The following THAP12 variants were observed in gnomAD, a reference collection of about 807,000 sequenced individuals.
THAP12 encodes 52 kDa repressor of the inhibitor of the protein kinase.
THAP12 carries 20 observed loss-of-function variants against 63.0 expected under a neutral mutation model. The ratio of observed to expected loss-of-function variants is 0.32; its 90% CI spans 0.22 to 0.46. The LOEUF is 0.46. Among genes scored for constraint, THAP12 ranks in the 20% least tolerant of loss-of-function variants. The probability of loss-of-function intolerance (pLI) is 1.00; values close to 1 mark genes in which losing one functional copy is unlikely to be tolerated. For missense variants in THAP12, 568 were observed against 908.2 expected (o/e 0.63, Z 4.81); for synonymous variants, 264 against 328.4 (o/e 0.80, Z 2.12).
intron 3 of THAP12, chr11:76,358,633 C>T (rs1451937515): frequency 6.6e-6 from 1 of 151,628 alleles, no homozygotes; most frequent in Non-Finnish European, 1.5e-5. Flanking sequence ...GGCATGACTC[C>T]ATCTATAAAA....
At chr11:76,380,706 C>G in intron 1 of THAP12, 42 bp downstream of exon 1, 1 of 1,332,210 alleles carries the variant, frequency 7.5e-7, no homozygotes, top group Non-Finnish European at 9.7e-7. Flanking sequence ...GCGCTCACCG[C>G]GAAGGTGGGC....
chr11:76,365,343 C>A (rs1451342554), intron 2 of THAP12, among the ~76,000 whole-genome samples: 3 of 150,972 alleles, frequency 2.0e-5, no homozygotes, highest in Non-Finnish European at 2.9e-5. Context: ...AAATGGGGCA[C>A]CAGGAACCGA....
chr11:76,356,359 C>G (rs1397327557), intron 3 of THAP12: 1 of 152,254 alleles, frequency 6.6e-6, no homozygotes, highest in African/African-American at 2.4e-5. Flanking sequence ...CAAGAAACAT[C>G]AGCAGGCTGG....
At position 76,352,775 on chromosome 11, in the gene THAP12, C is replaced by T. The variant is rs1022403655; in HGVS notation, c.375G>A (p.Gln125=). 2.0e-6 allele frequency: 3 copies of T among 1,522,706 alleles called. No individual in the cohort carries two copies. The highest frequency in any genetic ancestry group is 1.4e-5 in the African/African-American group (1 of 71,402). The allele number at this position is 1,522,706 out of a possible 1,614,324, so 94.3% of individuals were successfully genotyped here. Residue 125 remains glutamine, a synonymous_variant, in exon 5 of 5, where the codon CAG becomes CAA. Coordinates refer to ENST00000260045, the MANE Select transcript of THAP12 (RefSeq NM_004705.4). ...KQKKIDETSE[Q]EQKHKETNNS... The stretch of plus-strand genomic sequence containing the variant: ...TGTTGGTTTCTTTATGTTTTTGTTC[C>T]TGCTCAGAAGTTTCATCAACTGGAA...
intron 1 of THAP12, among the ~76,000 whole-genome samples, chr11:76,367,043 AGTCACAACTAG>A (rs1170345429): frequency 1.3e-5 from 2 of 152,050 alleles, no homozygotes; most frequent in Non-Finnish European, 2.9e-5. Context: ...AACTTGCTAA[AGTCACAACTAG>A]ATCTTTCCTC....
Position 76,350,882 on chromosome 11 carries a change from T to A in THAP12, c.2268A>T (p.Glu756Asp). Residue 756 changes from glutamate (E) to aspartate (D), a missense_variant, in exon 5 of 5, where the codon GAA becomes GAT. Physicochemically the swap from Glu to Asp is conservative, Grantham distance 45 (BLOSUM62 2). Coordinates refer to ENST00000260045, the MANE Select transcript of THAP12 (RefSeq NM_004705.4). ...AAGTCTCTTAGGTATTTTCCACAGTTTCGGAATTATCTGTAGGAAGCTCTG... is the reference window on the plus strand; with the variant it reads ...AAGTCTCTTAGGTATTTTCCACAGTATCGGAATTATCTGTAGGAAGCTCTG... ...SKSELPTDNS[E>D]TVENT 1 of 1,536,822 alleles carries A rather than the reference T, an allele frequency of 6.5e-7. No individual in the cohort carries two copies. Among genetic ancestry groups the A allele is most frequent in the Non-Finnish European group, 8.7e-7 (1 of 1,146,438 alleles).
chr11:76,363,755 A>C (rs1487342001), intron 2 of THAP12, among the ~76,000 whole-genome samples: 1 of 151,960 alleles, frequency 6.6e-6, no homozygotes. Context: ...TGCCCAGCAA[A>C]ATTTTTTTTG....
chr11:76,355,748 T>C, intron 3 of THAP12, 94 bp from the exon 4 acceptor site: 8 of 985,296 alleles, frequency 8.1e-6, no homozygotes, highest in Non-Finnish European at 1.2e-5. Context: ...AAATGCCTAT[T>C]CTGAGTCAAT....
chr11:76,365,484 A>C (rs1039945729), intron 2 of THAP12, among the ~76,000 whole-genome samples: 1 of 152,084 alleles, frequency 6.6e-6, no homozygotes, highest in Non-Finnish European at 1.5e-5. Context: ...TCATGGGCTC[A>C]AGTATCCTCC....
At chr11:76,357,548 C>T (rs1486627621) in intron 3 of THAP12, 1 of 151,532 alleles carries the variant, frequency 6.6e-6, no homozygotes, top group Non-Finnish European at 1.5e-5. Flanking sequence ...TTCTAAAAAG[C>T]TTTGAGGGAG....
chr11:76,350,912 A>C lies in THAP12; in HGVS notation c.2238T>G (p.Ser746Arg). 6.4e-7 allele frequency: 1 copy of C among 1,572,570 alleles called. No homozygotes were observed. The highest frequency in any genetic ancestry group is 1.2e-5 in the South Asian group (1 of 84,974). The part of the protein sequence containing the change: ...MVDTYIKLYT[S>R]KSELPTDNSE... ...AATTATCTGTAGGAAGCTCTGACTT[A>C]CTTGTATAGAGTTTAATATATGTGT... Residue 746 changes from serine (S) to arginine (R), a missense_variant, in exon 5 of 5, where the codon AGT becomes AGG. Coordinates refer to ENST00000260045, the MANE Select transcript of THAP12 (RefSeq NM_004705.4).
chr11:76,365,576 G>A (rs1368684385), intron 2 of THAP12, among the ~76,000 whole-genome samples: 1 of 151,994 alleles, frequency 6.6e-6, no homozygotes, highest in Admixed American at 6.6e-5. Context: ...CTGTAGCGAC[G>A]GCATCTGGCC....
chr11:76,364,200 C>T (rs1946616659), intron 2 of THAP12: 1 of 172,756 alleles, frequency 5.8e-6, no homozygotes, highest in Admixed American at 6.4e-5. Context: ...TACTTCATGT[C>T]AAGAACATAA....
intron 3 of THAP12, 85 bp from the exon 4 acceptor site, chr11:76,355,739 A>G (rs1372757994): frequency 9.1e-7 from 1 of 1,102,678 alleles, no homozygotes; most frequent in Non-Finnish European, 1.3e-6. Flanking sequence ...CACAAATACA[A>G]ATGCCTATTC....
chr11:76,350,646 GA>G lies in THAP12; in HGVS notation c.*217del, dbSNP rs1946519288. 2.2e-6 allele frequency: 1 copy of G among 453,690 alleles called. No individual in the cohort carries two copies. The highest frequency in any genetic ancestry group is 4.0e-5 in the East Asian group (1 of 24,788). 28.1% of individuals were successfully genotyped at this position (453,690 alleles called of 1,614,324 possible). A position where few individuals can be genotyped will look rare whatever the true frequency, so the allele number is the denominator to read the frequency against. On this transcript the variant is annotated 3_prime_UTR_variant, in exon 5 of 5. Transcript: ENST00000260045. ...GCCATCAACAGAGATCACGCAAAAG[GA>G]AACATGGCACTTTCAACGTTCTCTT...
intron 1 of THAP12, among the ~76,000 whole-genome samples, chr11:76,379,276 C>T (rs765833902): frequency 2.0e-5 from 3 of 152,184 alleles, no homozygotes; most frequent in South Asian, 2.1e-4. Flanking sequence ...ATTATTACAA[C>T]AGCCTTTTAA....
At chr11:76,379,324 T>A (rs1946732944) in intron 1 of THAP12, among the ~76,000 whole-genome samples, 1 of 152,208 alleles carries the variant, frequency 6.6e-6, no homozygotes, top group African/African-American at 2.4e-5. Flanking sequence ...CCCCACAATC[T>A]AATGAGCAGC....
rs1038618305 is a variant in THAP12, at chr11:76,381,055, C to G, written c.-219G>C. Reference sequence around the variant, plus strand: ...GCGGCTCCACAGTGCTGTGAGCGGCCGGGAGGATTTACCGCCGCCGCCGCC... The same window carrying G: ...GCGGCTCCACAGTGCTGTGAGCGGCGGGGAGGATTTACCGCCGCCGCCGCC... On this transcript the variant is annotated 5_prime_UTR_variant, in exon 1 of 5. Coordinates refer to ENST00000260045, the MANE Select transcript of THAP12 (RefSeq NM_004705.4). 9.2e-6 allele frequency: 2 copies of G among 217,176 alleles called. No individual in the cohort carries two copies. Among genetic ancestry groups the G allele is most frequent in the Admixed American group, 5.8e-5 (1 of 17,130 alleles). 13.5% of individuals were successfully genotyped at this position (217,176 alleles called of 1,614,324 possible). A position where few individuals can be genotyped will look rare whatever the true frequency, so the allele number is the denominator to read the frequency against.
At position 76,380,734 on chromosome 11, in the gene THAP12, C is replaced by A; in HGVS notation, c.89+14G>T. 1 of 1,415,300 alleles carries A rather than the reference C, an allele frequency of 7.1e-7. No individual in the cohort carries two copies. The highest frequency in any genetic ancestry group is 9.3e-7 in the Non-Finnish European group (1 of 1,073,746). The allele number at this position is 1,415,300 out of a possible 1,614,324, so 87.7% of individuals were successfully genotyped here. On this transcript the variant is annotated intron_variant, in intron 1 of 4. Coordinates refer to ENST00000260045, the MANE Select transcript of THAP12 (RefSeq NM_004705.4). ...AGGTGGGCCCGGGCCGCCCGCTCTG[C>A]GCCCGCCGCTTACCTGGCAGGGTCC...
Sources: allele counts gnomAD v4.1 joint callset (sites outside exome capture counted in the v4.1 genomes callset), GRCh38; gene constraint gnomAD v4.1.1; transcripts MANE v1.5; gene names NCBI Gene and HGNC (gene_info 2026-07-23, HGNC 2026-07-21).